ADAM8: variants seen among roughly 807,000 people sequenced by gnomAD.
ADAM8 encodes disintegrin and metalloproteinase domain-containing protein 8.
A neutral mutation model predicts 102.4 loss-of-function variants in ADAM8; 104 were observed. The observed-to-expected ratio is 1.02, with a 90% CI of 0.87 to 1.20. ADAM8 has a LOEUF of 1.20. Ranked by LOEUF, ADAM8 falls within the 50% of genes most tolerant of loss-of-function variation. The pLI, the probability that ADAM8 is intolerant of heterozygous loss-of-function variation, is 0.00. For missense variants in ADAM8, 1,132 were observed against 1,159.0 expected, an observed-to-expected ratio of 0.98 and a Z score of 0.34; for synonymous variants, 517 against 485.2, an observed-to-expected ratio of 1.07 and a Z score of -0.86.
intron 2 of ADAM8, chr10:133,275,005 A>C (rs1435856663): frequency 1.8e-5 from 6 of 341,286 alleles, no homozygotes; most frequent in Non-Finnish European, 5.9e-6. Context: ...AAACAGGTGC[A>C]CACATGCATA....
intron 2 of ADAM8, 22 bp from the exon 3 acceptor site, chr10:133,274,257 C>CCAG: frequency 1.3e-6 from 2 of 1,520,156 alleles, no homozygotes; most frequent in Non-Finnish European, 1.8e-6. Flanking sequence ...GGGAAGGGTC[C>CCAG]CAGGTGAGCA....
At chr10:133,264,058 CTTTTTTTTTTTT>C (rs3058139) in intron 21 of ADAM8, among the ~76,000 whole-genome samples, 2 of 84,042 alleles carry the variant, frequency 2.4e-5, no homozygotes, top group African/African-American at 7.3e-5. Flanking sequence ...TTTTCCTTTC[CTTTTTTTTTTTT>C]TTTTTTTTTG....
At position 133,275,597 on chromosome 10, in the gene ADAM8, G is replaced by C. The variant is rs1440809865; in HGVS notation, c.47-10C>G. ...CGGCTGGGGGCAATCGCTGCAGGAGGGAGGGTCAGCAGGCATGAGGGGCCG... is the reference window on the plus strand; with the variant it reads ...CGGCTGGGGGCAATCGCTGCAGGAGCGAGGGTCAGCAGGCATGAGGGGCCG... On this transcript the variant is annotated splice_polypyrimidine_tract_variant and intron_variant, in intron 1 of 22. Transcript: ENST00000445355. 47 of 1,457,994 alleles carry C rather than the reference G, an allele frequency of 3.2e-5. No individual in the cohort carries two copies. The highest frequency in any genetic ancestry group is 4.1e-5 in the Non-Finnish European group (45 of 1,101,824). The allele number at this position is 1,457,994 out of a possible 1,614,324, so 90.3% of individuals were successfully genotyped here. A position where few individuals can be genotyped will look rare whatever the true frequency, so the allele number is the denominator to read the frequency against.
Position 133,268,127 on chromosome 10 carries a change from G to A in ADAM8, c.2064-9C>T, listed in dbSNP as rs180836438. ...TCTTGGGAGCCACGTTCCTGGGGAGGAAGCACAGGGCGCATGGTCAGTGTC... is the reference window on the plus strand; with the variant it reads ...TCTTGGGAGCCACGTTCCTGGGGAGAAAGCACAGGGCGCATGGTCAGTGTC... On this transcript the variant is annotated splice_polypyrimidine_tract_variant and intron_variant, in intron 19 of 22. Coordinates refer to ENST00000445355, the MANE Select transcript of ADAM8 (RefSeq NM_001109.5). 665 of 1,261,678 alleles carry A rather than the reference G, an allele frequency of 5.3e-4. 5 individuals are homozygous for A. The African/African-American group carries it at 9.4e-3, about 18-fold the overall frequency. 78.2% of individuals were successfully genotyped at this position (1,261,678 alleles called of 1,614,324 possible). A position where few individuals can be genotyped will look rare whatever the true frequency, so the allele number is the denominator to read the frequency against.
chr10:133,275,821 A>T (rs1846730571), intron 1 of ADAM8: 2 of 455,840 alleles, frequency 4.4e-6, no homozygotes, highest in African/African-American at 4.1e-5. Context: ...CAGTGCTCAG[A>T]GACGCTGTGG....
At chr10:133,275,626 G>T in intron 1 of ADAM8, 39 bp from the exon 2 acceptor site, 1 of 1,221,382 alleles carries the variant, frequency 8.2e-7, no homozygotes, top group Non-Finnish European at 1.1e-6. Context: ...GGGGCCGGGG[G>T]GCAGGTTTCC....
rs1027697833 is a variant in ADAM8 at position 133,273,790 on chromosome 10, C to A, written c.355G>T (p.Ala119Ser). Residue 119 changes from alanine to serine, a missense_variant, in exon 5 of 23, where the codon GCC becomes TCC. Transcript: ENST00000445355. Reference sequence around the variant, plus strand: ...AGGCCGGCACAGGTGCTGAGGCTGGCGGCTGAGTCCGGGTACCCCTCTACG... The same window carrying A: ...AGGCCGGCACAGGTGCTGAGGCTGGAGGCTGAGTCCGGGTACCCCTCTACG... ...GHVEGYPDSA[A>S]SLSTCAGLRG... The A allele has an allele frequency of 6.5e-7, 1 of 1,548,874 alleles. No individual in the cohort carries two copies.
intron 13 of ADAM8, 60 bp from the exon 14 acceptor site, chr10:133,271,130 G>A: frequency 6.3e-7 from 1 of 1,592,256 alleles, no homozygotes; most frequent in Non-Finnish European, 8.6e-7. Flanking sequence ...CCTGGTCCCT[G>A]GTGCCCCAGG....
rs1374114132 is a variant in ADAM8 at position 133,268,020 on chromosome 10, C to T, written c.2162G>A (p.Arg721Lys). ...GGTGGGGACCAGCTCTTGGGGGCCC[C>T]TGGATGGGGCTGGAGCCCCGCCCTT... is the stretch of plus-strand genomic sequence containing the variant. ...PAKGGAPAPSRGPQELVPTTH... is the reference protein window; with the variant it reads ...PAKGGAPAPSKGPQELVPTTH... The change falls in exon 20 of 23, where the codon AGG becomes AAG. Residue 721 changes from arginine (R) to lysine (K), a missense_variant. Physicochemically the swap from Arg to Lys is conservative, Grantham distance 26. Transcript: ENST00000445355. 6 of 1,260,360 alleles carry T rather than the reference C, an allele frequency of 4.8e-6. No individual in the cohort carries two copies. The African/African-American group carries it at 9.2e-5, about 19-fold the overall frequency. 78.1% of individuals were successfully genotyped at this position (1,260,360 alleles called of 1,614,324 possible).
chr10:133,275,932 CGGGCCGCCGA>C (rs1846734289), intron 1 of ADAM8: 2 of 249,504 alleles, frequency 8.0e-6, no homozygotes, highest in Admixed American at 1.1e-4. Context: ...GAGGAGGACT[CGGGCCGCCGA>C]CCTGCCCGTT....
intron 15 of ADAM8, 67 bp downstream of exon 15, chr10:133,270,669 G>A: frequency 6.4e-7 from 1 of 1,557,894 alleles, no homozygotes; most frequent in East Asian, 2.3e-5. Context: ...CTTTGCAGAG[G>A]CCCTTCTGGG....
rs372431847 is a variant in ADAM8, at chr10:133,270,522, C to T, written c.1635-12G>A. On this transcript the variant is annotated splice_polypyrimidine_tract_variant and intron_variant, in intron 15 of 22. Coordinates refer to ENST00000445355, the MANE Select transcript of ADAM8 (RefSeq NM_001109.5). ...CACACATGTCAGCCCTGTGGATGGA[C>T]GGCAGGTCGTGGGCCAGCTTGCCTG... 171 of 1,578,068 alleles carry T rather than the reference C, an allele frequency of 1.1e-4. 1 individual carries two copies. Among genetic ancestry groups the T allele is most frequent in the Middle Eastern group, 3.7e-4 (2 of 5,428 alleles).
At position 133,270,510 on chromosome 10, in the gene ADAM8, C is replaced by T. The variant is rs775077921; in HGVS notation, c.1635G>A (p.Arg545=). The T allele has an allele frequency of 6.3e-7, 1 of 1,585,042 alleles. No homozygotes were observed. Among genetic ancestry groups the T allele is most frequent in the South Asian group, 1.1e-5 (1 of 89,874 alleles). ...ILPGCKASRY[R]ADMCGVLQCK... is the part of the protein sequence containing the mutation. ...ACTGCAGAACGCCACACATGTCAGC[C>T]CTGTGGATGGACGGCAGGTCGTGGG... Residue 545 remains arginine (R), a splice_region_variant and synonymous_variant, in exon 16 of 23, where the codon AGG becomes AGA. Coordinates refer to ENST00000445355, the MANE Select transcript of ADAM8 (RefSeq NM_001109.5).
chr10:133,270,720 G>A lies in ADAM8; in HGVS notation c.1634+16C>T, dbSNP rs113710821. 6.7e-6 allele frequency: 10 copies of A among 1,489,900 alleles called. No homozygotes were observed. The East Asian group carries it at 2.3e-4, about 34-fold the overall frequency. The allele number at this position is 1,489,900 out of a possible 1,614,324, so 92.3% of individuals were successfully genotyped here. On this transcript the variant is annotated intron_variant, in intron 15 of 22. Transcript: ENST00000445355. ...GGAACAGCACATGTCCTGGGCCCAG[G>A]GCGGTCTCAGCTCACCTGTACCGGC...
At chr10:133,272,339 C>T (rs1275506332) in intron 9 of ADAM8, 65 bp from the exon 10 acceptor site, 44 of 1,419,790 alleles carry the variant, frequency 3.1e-5, no homozygotes, top group Non-Finnish European at 3.0e-5. Context: ...CCCACCCCAG[C>T]CCTGCTCTCC....
rs1335779578 is a variant in ADAM8, at chr10:133,274,072, G to C, written c.228-43C>G. 2.5e-6 allele frequency: 4 copies of C among 1,593,476 alleles called. No homozygotes were observed. The African/African-American group carries it at 5.3e-5, about 21-fold the overall frequency. On this transcript the variant is annotated intron_variant, in intron 3 of 22. Coordinates refer to ENST00000445355, the MANE Select transcript of ADAM8 (RefSeq NM_001109.5). ...TGACTGCCTCGGCCCCCTCGGTGCA[G>C]AGAGGCTGGCCCAGAGGCTGGACGC...
chr10:133,270,352 G>A lies in ADAM8; in HGVS notation c.1785+8C>T, dbSNP rs1387524806. ...GGGGGTGGCGCGGCCTCTGAGCCAG[G>A]GGCTCACCTTCTCTGGTCCACACCG... On this transcript the variant is annotated splice_region_variant and intron_variant, in intron 16 of 22. Transcript: ENST00000445355. 6 of 1,577,916 alleles carry A rather than the reference G, an allele frequency of 3.8e-6. No homozygotes were observed. Among genetic ancestry groups the A allele is most frequent in the South Asian group, 1.1e-5 (1 of 89,044 alleles).
rs768096302 is a variant in ADAM8, at chr10:133,270,885, C to T, written c.1560G>A (p.Gly520=). ...CCAGCTCTGTGCCCACTTCACCTGG[C>T]CCCCAGAAGGCCTGGCACTGCTGGG... ...TLAQQCQAFW[G]PGGQAAEESC... is the part of the protein sequence containing the mutation. Residue 520 remains glycine, a synonymous_variant, in exon 14 of 23, where the codon GGG becomes GGA. Transcript: ENST00000445355. The T allele has an allele frequency of 6.2e-7, 1 of 1,610,328 alleles. No individual in the cohort carries two copies. The highest frequency in any genetic ancestry group is 1.3e-5 in the African/African-American group (1 of 74,894).
chr10:133,275,515 G>A lies in ADAM8; in HGVS notation c.119C>T (p.Pro40Leu), dbSNP rs775418219. ...GGAGGGCAGAGCTCGGCGGACTCGGGGGCCTGGCAGACGCCACGGCAACAC... is the reference window on the plus strand; with the variant it reads ...GGAGGGCAGAGCTCGGCGGACTCGGAGGCCTGGCAGACGCCACGGCAACAC... ...EVVLPWRLPG[P>L]RVRRALPSHL... is the part of the protein sequence containing the mutation. Residue 40 changes from proline (P) to leucine (L), a missense_variant, in exon 2 of 23, where the codon CCC becomes CTC. Physicochemically the swap from Pro to Leu is moderately conservative, Grantham distance 98. Transcript: ENST00000445355. 1.3e-6 allele frequency: 2 copies of A among 1,528,304 alleles called. No individual in the cohort carries two copies. The highest frequency in any genetic ancestry group is 1.4e-5 in the African/African-American group (1 of 71,420). The allele number at this position is 1,528,304 out of a possible 1,614,324, so 94.7% of individuals were successfully genotyped here.
Sources: gnomAD v4.1 joint callset for allele counts (sites outside exome capture counted in the v4.1 genomes callset) on GRCh38, gnomAD v4.1.1 for gene constraint, MANE v1.5 for transcripts, NCBI Gene and HGNC (gene_info 2026-07-23, HGNC 2026-07-21) for gene names.